The following CSMD1 variants were observed in gnomAD, a reference collection of about 807,000 sequenced individuals.
CSMD1 encodes CUB and Sushi multiple domains 1, also known as CUB and sushi domain-containing protein 1.
In CSMD1, 213 loss-of-function variants were observed where a neutral mutation model predicts 417.5. That is an observed-to-expected ratio of 0.51 (90% CI 0.46 to 0.57). The LOEUF is 0.57. CSMD1 is among the 20% of genes least tolerant of loss of function. The pLI is 0.00. For missense variants in CSMD1, 6,923 were observed against 4,529.7 expected, an observed-to-expected ratio of 1.53 and a Z score of -15.17; for synonymous variants, 2,862 against 1,736.8, an observed-to-expected ratio of 1.65 and a Z score of -16.11.
At chr8:3,558,369 G>GTACCCCGTGTCCACTCCTCCAATGATGAA (rs1799273816) in intron 10 of CSMD1, among the ~76,000 whole-genome samples, 9 of 102,450 alleles carry the variant, frequency 8.8e-5, no homozygotes, top group Admixed American at 2.8e-4. Flanking sequence ...ATGATGAATG[G>GTACCCCGTGTCCACTCCTCCAATGATGAA]TGCCTCAGTA....
chr8:4,871,164 G>A (rs1717007806), intron 1 of CSMD1, among the ~76,000 whole-genome samples: 1 of 152,122 alleles, frequency 6.6e-6, no homozygotes, highest in Non-Finnish European at 1.5e-5. Flanking sequence ...CAAATAAGTA[G>A]CATGGGATTC....
intron 9 of CSMD1, among the ~76,000 whole-genome samples, chr8:3,577,557 T>G (rs1800204510): frequency 6.6e-6 from 1 of 152,240 alleles, no homozygotes; most frequent in South Asian, 2.1e-4. Flanking sequence ...TCTGATTTGT[T>G]CATTTGTTTA....
chr8:4,164,317 TTTAAA>T (rs1797333563), intron 3 of CSMD1, among the ~76,000 whole-genome samples: 1 of 152,178 alleles, frequency 6.6e-6, no homozygotes, highest in African/African-American at 2.4e-5. Context: ...TCCATCTACA[TTTAAA>T]AACATATCTA....
intron 5 of CSMD1, among the ~76,000 whole-genome samples, chr8:3,870,434 T>C (rs1274398824): frequency 1.3e-5 from 2 of 152,174 alleles, no homozygotes; most frequent in Non-Finnish European, 2.9e-5. Context: ...TATGCATATA[T>C]CTTTACATGT....
intron 3 of CSMD1, among the ~76,000 whole-genome samples, chr8:4,303,422 G>GTTTTTTTTTTTTTTT (rs71511194): frequency 1.2e-5 from 1 of 85,214 alleles, no homozygotes; most frequent in African/African-American, 4.8e-5. Context: ...GCAGGAAGCT[G>GTTTTTTTTTTTTTTT]TTTTTTTTTT....
At chr8:3,859,231 T>C (rs918461649) in intron 5 of CSMD1, among the ~76,000 whole-genome samples, 1 of 152,200 alleles carries the variant, frequency 6.6e-6, no homozygotes, top group African/African-American at 2.4e-5. Context: ...CCATTCAACT[T>C]CTCAAGTGAA....
chr8:3,399,336 A>G, intron 16 of CSMD1, 55 bp downstream of exon 16: 1 of 1,478,906 alleles, frequency 6.8e-7, no homozygotes, highest in Admixed American at 2.2e-5. Flanking sequence ...ATTTACTAAA[A>G]CTATGGAAGA....
chr8:3,200,865 G>A (rs951023092), intron 32 of CSMD1, among the ~76,000 whole-genome samples: 15 of 152,128 alleles, frequency 9.9e-5, no homozygotes, highest in African/African-American at 1.4e-4. Context: ...AGCTTGTGAC[G>A]CATATCGTTT....
intron 40 of CSMD1, among the ~76,000 whole-genome samples, chr8:3,148,078 G>T (rs1401698499): frequency 6.6e-6 from 1 of 152,036 alleles, no homozygotes; most frequent in Admixed American, 6.6e-5. Context: ...TAGGAAATAG[G>T]GGACCCTTTT....
At chr8:3,294,235 T>TC (rs1554503191) in intron 25 of CSMD1, among the ~76,000 whole-genome samples, 14 of 151,914 alleles carry the variant, frequency 9.2e-5, no homozygotes, top group Non-Finnish European at 1.6e-4. Flanking sequence ...TGGCCCCTAC[T>TC]GGGGGGTGCC....
intron 10 of CSMD1, among the ~76,000 whole-genome samples, chr8:3,566,118 G>A (rs1319165333): frequency 1.3e-5 from 2 of 151,996 alleles, no homozygotes; most frequent in Non-Finnish European, 2.9e-5. Context: ...GGAGAAGAAG[G>A]AGAGGGAAAA....
At chr8:4,424,632 G>C (rs974275591) in intron 2 of CSMD1, among the ~76,000 whole-genome samples, 1 of 151,996 alleles carries the variant, frequency 6.6e-6, no homozygotes, top group Non-Finnish European at 1.5e-5. Flanking sequence ...ATTTTCTGTA[G>C]AAAACAGAAA....
intron 5 of CSMD1, among the ~76,000 whole-genome samples, chr8:3,933,805 T>C (rs1282459795): frequency 1.3e-5 from 2 of 152,210 alleles, no homozygotes; most frequent in African/African-American, 4.8e-5. Context: ...AATTCAGATC[T>C]TGCACTTAAA....
At chr8:4,752,254 C>G (rs1335186547) in intron 1 of CSMD1, among the ~76,000 whole-genome samples, 1 of 152,128 alleles carries the variant, frequency 6.6e-6, no homozygotes, top group African/African-American at 2.4e-5. Flanking sequence ...TAACTGTGTA[C>G]TTGTCTTGAC....
chr8:4,881,891 GA>G (rs1419702769), intron 1 of CSMD1, among the ~76,000 whole-genome samples: 1 of 151,996 alleles, frequency 6.6e-6, no homozygotes, highest in Non-Finnish European at 1.5e-5. Flanking sequence ...TGAGGCAGGG[GA>G]AAAACATTGA....
At chr8:3,199,848 G>T in intron 32 of CSMD1, 39 bp from the exon 33 acceptor site, 1 of 1,244,922 alleles carries the variant, frequency 8.0e-7, no homozygotes, top group Non-Finnish European at 1.1e-6. Context: ...AAAACACACA[G>T]CACCGTGGGG....
At chr8:3,469,303 A>C (rs1168725214) in intron 11 of CSMD1, 1 of 152,634 alleles carries the variant, frequency 6.6e-6, no homozygotes, top group Non-Finnish European at 1.5e-5. Context: ...CATTGTCTAG[A>C]ACTAGTATGT....
intron 26 of CSMD1, among the ~76,000 whole-genome samples, chr8:3,239,183 C>T (rs914444794): frequency 3.3e-5 from 5 of 151,994 alleles, no homozygotes; most frequent in Non-Finnish European, 5.9e-5. Flanking sequence ...ACCATTAGTC[C>T]GTTTTACCTT....
At chr8:3,938,610 G>T (rs527994605) in intron 5 of CSMD1, among the ~76,000 whole-genome samples, 2 of 152,198 alleles carry the variant, frequency 1.3e-5, no homozygotes, top group Admixed American at 1.3e-4. Flanking sequence ...TGTAGACCCC[G>T]AATAAGGGCT....
Sources: gnomAD v4.1 joint callset for allele counts (sites outside exome capture counted in the v4.1 genomes callset) on GRCh38, gnomAD v4.1.1 for gene constraint, MANE v1.5 for transcripts, NCBI Gene and HGNC (gene_info 2026-07-23, HGNC 2026-07-21) for gene names.